Variants in SORL1 observed in about 807,000 individuals in gnomAD.
SORL1 encodes the protein sortilin-related receptor.
A neutral mutation model predicts 273.7 loss-of-function variants in SORL1; 127 were observed. That is an observed-to-expected ratio of 0.46 (90% CI 0.40 to 0.54). The LOEUF (loss-of-function observed/expected upper bound fraction) is 0.54, where lower values mean the gene tolerates loss of function less well. SORL1 is among the 20% of genes least tolerant of loss of function. SORL1 has a pLI of 0.00. For synonymous variants in SORL1, 1,031 were observed against 1,067.4 expected (o/e 0.97, Z 0.66); for missense variants, 2,494 against 2,846.1 (o/e 0.88, Z 2.81).
Position 121,597,252 on chromosome 11 carries a change from G to A in SORL1, c.4519+1480G>A, listed in dbSNP as rs935950856. On this transcript the variant is annotated intron_variant, in intron 32 of 47. Transcript: ENST00000260197. ...TAGCGTTGTTCTCCACAGGGTGCCC[G>A]ACTGGGCTCTCCCTGGAGAGGCTTG... Among the ~76,000 whole-genome samples, 5 of 152,324 alleles carry A rather than the reference G, an allele frequency of 3.3e-5. 1 individual carries two copies. In the South Asian group the frequency reaches 1.0e-3, roughly 32 times the overall value.
chr11:121,484,997 T>C (rs1159737891), intron 3 of SORL1, among the ~76,000 whole-genome samples: 3 of 152,326 alleles, frequency 2.0e-5, no homozygotes, highest in Admixed American at 2.0e-4. Flanking sequence ...TGAAGTGATC[T>C]GCCCACCTTG....
chr11:121,603,864 T>G (rs895386477), intron 32 of SORL1, among the ~76,000 whole-genome samples: 1 of 152,194 alleles, frequency 6.6e-6, no homozygotes, highest in Admixed American at 6.5e-5. Context: ...GCAGACATGA[T>G]AGTGATGGAA....
In SORL1 at chr11:121,545,405, C is replaced by A; in HGVS notation, c.2027C>A (p.Ser676Tyr). ...AGGCCGGTGGTCGTGTCCAACTGCT[C>A]CTGCACCCGGGAGGACTATGAGTGG... ...FDRPVVVSNC[S>Y]CTREDYECDF... The change falls in exon 14 of 48, where the codon TCC becomes TAC. Residue 676 changes from serine to tyrosine, a missense_variant. Coordinates refer to ENST00000260197, the MANE Select transcript of SORL1 (RefSeq NM_003105.6). 6.2e-7 allele frequency: 1 copy of A among 1,613,898 alleles called. No individual in the cohort carries two copies.
intron 38 of SORL1, chr11:121,609,881 CATT>C (rs891684306): frequency 1.2e-4 from 18 of 152,318 alleles, no homozygotes; most frequent in South Asian, 4.1e-4. Context: ...TCCTTATCCT[CATT>C]GTGTAGCTGA....
chr11:121,485,059 G>A (rs1861453123), intron 3 of SORL1, among the ~76,000 whole-genome samples: 1 of 152,168 alleles, frequency 6.6e-6, no homozygotes, highest in South Asian at 2.1e-4. Flanking sequence ...CCGGCCCCAT[G>A]CTTGTTCTTA....
intron 10 of SORL1, 82 bp from the exon 11 acceptor site, chr11:121,522,834 A>G: frequency 1.4e-6 from 2 of 1,386,398 alleles, no homozygotes; most frequent in East Asian, 2.3e-5. Context: ...GTTGCTAGAT[A>G]CTACGCAGAA....
intron 35 of SORL1, 149 bp downstream of exon 35, chr11:121,605,720 G>A (rs1178165704): frequency 4.6e-6 from 3 of 649,020 alleles, no homozygotes; most frequent in East Asian, 5.2e-5. Context: ...TCTTGCCAGA[G>A]TTGTCAAACA....
At chr11:121,612,929 G>A in intron 40 of SORL1, 97 bp downstream of exon 40, 2 of 830,818 alleles carry the variant, frequency 2.4e-6, no homozygotes, top group South Asian at 1.5e-5. Flanking sequence ...CCAGGGAAGG[G>A]GAGGTATTCT....
chr11:121,542,976 G>A (rs987984446), intron 12 of SORL1, among the ~76,000 whole-genome samples: 1 of 150,504 alleles, frequency 6.6e-6, no homozygotes, highest in Non-Finnish European at 1.5e-5. Context: ...AGGAGGTCGA[G>A]ATCATCCTGG....
At position 121,622,169 on chromosome 11, in the gene SORL1, A is replaced by G. The variant is rs1863732547; in HGVS notation, c.6072A>G (p.Leu2024=). Residue 2024 remains leucine, a synonymous_variant, in exon 45 of 48, where the codon TTA becomes TTG. Coordinates refer to ENST00000260197, the MANE Select transcript of SORL1 (RefSeq NM_003105.6). The stretch of plus-strand genomic sequence containing the variant: ...CTCATCTTTAATTTTCAGTTTCATT[A>G]TCAGCACCTGATGCCTTAAAAATCA... The part of the protein sequence containing the change: ...DSSIKITTVS[L]SAPDALKIIT... 1.3e-6 allele frequency: 2 copies of G among 1,595,706 alleles called. No individual in the cohort carries two copies. The highest frequency in any genetic ancestry group is 1.7e-4 in the Middle Eastern group (1 of 6,036).
At chr11:121,465,162 C>T (rs1861063836) in intron 1 of SORL1, among the ~76,000 whole-genome samples, 1 of 152,180 alleles carries the variant, frequency 6.6e-6, no homozygotes, top group Non-Finnish European at 1.5e-5. Context: ...AGCAGTGATT[C>T]CCTCCTCTCC....
intron 12 of SORL1, among the ~76,000 whole-genome samples, chr11:121,540,597 G>A (rs1263822057): frequency 6.7e-6 from 1 of 150,030 alleles, no homozygotes; most frequent in Admixed American, 6.7e-5. Flanking sequence ...ACCAATACAA[G>A]TTCTCCTTTG....
rs150848109 is a variant in SORL1, at chr11:121,584,636, G to A, written c.3706+1053G>A. ...AGATAGGGTCTCACTCTGTCACCCA[G>A]GCTGGAGTATAGTAGTATGATTGTG... is the stretch of plus-strand genomic sequence containing the variant. On this transcript the variant is annotated intron_variant, in intron 26 of 47. Coordinates refer to ENST00000260197, the MANE Select transcript of SORL1 (RefSeq NM_003105.6). Among the ~76,000 whole-genome samples the A allele has an allele frequency of 8.3e-3, 1,255 of 151,950 alleles. 39 individuals carry two copies. The highest frequency in any genetic ancestry group is 0.063 in the Admixed American group (957 of 15,272).
chr11:121,465,877 C>T (rs1861074764), intron 1 of SORL1, among the ~76,000 whole-genome samples: 1 of 152,114 alleles, frequency 6.6e-6, no homozygotes, highest in African/African-American at 2.4e-5. Flanking sequence ...CAGAGGGCGA[C>T]AGAGCCGGTA....
intron 2 of SORL1, among the ~76,000 whole-genome samples, chr11:121,477,614 A>G (rs967360005): frequency 6.6e-6 from 1 of 152,224 alleles, no homozygotes; most frequent in African/African-American, 2.4e-5. Context: ...CTGCCCCCAC[A>G]TGCTTGGGGA....
chr11:121,471,624 A>G (rs1861169973), intron 2 of SORL1, among the ~76,000 whole-genome samples: 1 of 152,138 alleles, frequency 6.6e-6, no homozygotes, highest in Admixed American at 6.5e-5. Context: ...AGCCTTAAGG[A>G]TACATTTATA....
chr11:121,478,726 G>A (rs1201872773), intron 3 of SORL1, among the ~76,000 whole-genome samples: 2 of 151,148 alleles, frequency 1.3e-5, no homozygotes, highest in Non-Finnish European at 3.0e-5. Context: ...GTGTGCATGT[G>A]GGTAACTGTG....
In SORL1 at chr11:121,587,959, G is replaced by C; in HGVS notation, c.3815-61G>C. Reference sequence around the variant, plus strand: ...CTGTACTCGTGTGCACTTGCCCAGGGCTAGAGGGCCCAGCCAGCCGCAGTG... The same window carrying C: ...CTGTACTCGTGTGCACTTGCCCAGGCCTAGAGGGCCCAGCCAGCCGCAGTG... On this transcript the variant is annotated intron_variant, in intron 27 of 47. Transcript: ENST00000260197. 3 of 1,601,096 alleles carry C rather than the reference G, an allele frequency of 1.9e-6. No homozygotes were observed. In the South Asian group the frequency reaches 3.3e-5, roughly 18 times the overall value.
At chr11:121,575,730 C>A (rs981269281) in intron 24 of SORL1, among the ~76,000 whole-genome samples, 2 of 152,222 alleles carry the variant, frequency 1.3e-5, no homozygotes, top group Admixed American at 6.5e-5. Context: ...CAACTATTTC[C>A]CCTTCATCCC....
Sources: allele counts gnomAD v4.1 joint callset (sites outside exome capture counted in the v4.1 genomes callset), GRCh38; gene constraint gnomAD v4.1.1; transcripts MANE v1.5; gene names NCBI Gene and HGNC (gene_info 2026-07-23, HGNC 2026-07-21).